RHOJ: variants seen among roughly 807,000 people sequenced by gnomAD.
RHOJ encodes the protein ras homolog family member J.
Under a neutral mutation model 23.4 loss-of-function variants are expected in RHOJ, and 11 were observed. That is an observed-to-expected ratio of 0.47 (90% CI 0.30 to 0.78). The LOEUF (loss-of-function observed/expected upper bound fraction) is 0.78, where lower values mean the gene tolerates loss of function less well. Among genes scored for constraint, RHOJ ranks in the 30% least tolerant of loss-of-function variants. The pLI is 0.08. For synonymous variants in RHOJ, 102 were observed against 102.7 expected (o/e 0.99, Z 0.04); for missense variants, 254 against 273.4 (o/e 0.93, Z 0.50).
At chr14:63,255,975 A>T (rs1311302840) in intron 1 of RHOJ, among the ~76,000 whole-genome samples, 1 of 151,566 alleles carries the variant, frequency 6.6e-6, no homozygotes, top group Non-Finnish European at 1.5e-5. Context: ...CTCAAGCAAT[A>T]CTCCTGCCTT....
intron 1 of RHOJ, among the ~76,000 whole-genome samples, chr14:63,239,440 A>G (rs907849869): frequency 2.3e-4 from 35 of 152,350 alleles, no homozygotes; most frequent in East Asian, 7.7e-4. Flanking sequence ...AGGAATTGAA[A>G]TGAGCATTCA....
intron 2 of RHOJ, among the ~76,000 whole-genome samples, chr14:63,270,507 T>C (rs1258379031): frequency 6.6e-6 from 1 of 152,136 alleles, no homozygotes; most frequent in East Asian, 1.9e-4. Context: ...AGGCCCCCCA[T>C]GTGCTCCAAT....
chr14:63,214,350 C>T (rs757952745), intron 1 of RHOJ, among the ~76,000 whole-genome samples: 2 of 152,184 alleles, frequency 1.3e-5, no homozygotes, highest in Admixed American at 6.5e-5. Flanking sequence ...ATAGTTTCAG[C>T]TAATGTGACT....
At chr14:63,250,578 T>C (rs1250813442) in intron 1 of RHOJ, among the ~76,000 whole-genome samples, 2 of 152,126 alleles carry the variant, frequency 1.3e-5, no homozygotes, top group African/African-American at 4.8e-5. Flanking sequence ...TATGTGTTTT[T>C]TCCTCTGCCT....
rs148224280 is a variant in RHOJ, at chr14:63,272,891, C to T, written c.237+3723C>T. Among the ~76,000 whole-genome samples the T allele has an allele frequency of 1.3e-3, 198 of 152,230 alleles. 1 individual carries two copies. Among genetic ancestry groups the T allele is most frequent in the Non-Finnish European group, 1.7e-3 (119 of 68,026 alleles). Reference sequence around the variant, plus strand: ...ATACAAAATTAGCCGAGCATGGTGGCGCGCACCTGTAATCCCAGCTACTTG... The same window carrying T: ...ATACAAAATTAGCCGAGCATGGTGGTGCGCACCTGTAATCCCAGCTACTTG... On this transcript the variant is annotated intron_variant, in intron 2 of 4. Coordinates refer to ENST00000316754, the MANE Select transcript of RHOJ (RefSeq NM_020663.5).
chr14:63,288,134 C>T, intron 4 of RHOJ: 1 of 969,320 alleles, frequency 1.0e-6, no homozygotes, highest in East Asian at 1.1e-4. Context: ...AACATAATGT[C>T]ATATTAACTC....
intron 2 of RHOJ, among the ~76,000 whole-genome samples, chr14:63,277,301 C>T (rs1881747182): frequency 6.6e-6 from 1 of 152,194 alleles, no homozygotes; most frequent in African/African-American, 2.4e-5. Flanking sequence ...GAGTTTGAAA[C>T]AATGGCTGAC....
chr14:63,273,861 C>A (rs541307839), intron 2 of RHOJ, among the ~76,000 whole-genome samples: 1 of 152,170 alleles, frequency 6.6e-6, no homozygotes, highest in Admixed American at 6.5e-5. Context: ...CCTGGCCAGG[C>A]GCCTGGTTCT....
chr14:63,256,295 A>T (rs1895163745), intron 1 of RHOJ, among the ~76,000 whole-genome samples: 1 of 152,078 alleles, frequency 6.6e-6, no homozygotes, highest in African/African-American at 2.4e-5. Context: ...GATCTCTGTG[A>T]CTAAAAATAT....
intron 1 of RHOJ, among the ~76,000 whole-genome samples, chr14:63,262,129 A>T (rs542040779): frequency 1.7e-4 from 26 of 152,314 alleles, no homozygotes; most frequent in Admixed American, 1.5e-3. Context: ...TATAGTCATC[A>T]TATTGACTTC....
At chr14:63,216,933 C>T (rs1244258105) in intron 1 of RHOJ, among the ~76,000 whole-genome samples, 1 of 148,166 alleles carries the variant, frequency 6.7e-6, no homozygotes, top group Non-Finnish European at 1.5e-5. Context: ...AGATGAAGAA[C>T]ACCTCATTAT....
chr14:63,262,701 G>A (rs142972818), intron 1 of RHOJ, among the ~76,000 whole-genome samples: 54 of 152,228 alleles, frequency 3.5e-4, no homozygotes, highest in African/African-American at 8.2e-4. Flanking sequence ...CTGCCCCTCC[G>A]TACATTTCGA....
intron 1 of RHOJ, among the ~76,000 whole-genome samples, chr14:63,206,813 T>C (rs1265206633): frequency 1.3e-5 from 2 of 152,196 alleles, no homozygotes; most frequent in East Asian, 3.8e-4. Flanking sequence ...AGATTTCGGC[T>C]AGTCTATTAT....
intron 1 of RHOJ, among the ~76,000 whole-genome samples, chr14:63,222,534 G>T (rs981200611): frequency 6.6e-6 from 1 of 152,120 alleles, no homozygotes; most frequent in African/African-American, 2.4e-5. Context: ...GTGTGAGATG[G>T]TATCTCATTG....
Position 63,283,369 on chromosome 14 carries a change from C to T in RHOJ, c.498+153C>T, listed in dbSNP as rs543715916. 4.4e-5 allele frequency: 29 copies of T among 665,924 alleles called. No homozygotes were observed. The African/African-American group carries it at 4.8e-4, about 11-fold the overall frequency. The allele number at this position is 665,924 out of a possible 1,614,324, so 41.3% of individuals were successfully genotyped here. A position where few individuals can be genotyped will look rare whatever the true frequency, so the allele number is the denominator to read the frequency against. Reference sequence around the variant, plus strand: ...TTCTATTCTCCCCCTCTGTTCTAGTCGGGCTGGAAGGAGCCATTTGGTTAG... The same window carrying T: ...TTCTATTCTCCCCCTCTGTTCTAGTTGGGCTGGAAGGAGCCATTTGGTTAG... On this transcript the variant is annotated intron_variant, in intron 4 of 4. Coordinates refer to ENST00000316754, the MANE Select transcript of RHOJ (RefSeq NM_020663.5).
intron 1 of RHOJ, among the ~76,000 whole-genome samples, chr14:63,207,902 G>T (rs1894148905): frequency 6.6e-6 from 1 of 152,178 alleles, no homozygotes; most frequent in Non-Finnish European, 1.5e-5. Flanking sequence ...TAGGTACATG[G>T]TAGCTATTAA....
chr14:63,250,088 A>C (rs1895042642), intron 1 of RHOJ, among the ~76,000 whole-genome samples: 1 of 152,162 alleles, frequency 6.6e-6, no homozygotes. Flanking sequence ...CATCTCCCAC[A>C]TCTCTACTGC....
intron 1 of RHOJ, among the ~76,000 whole-genome samples, chr14:63,251,740 A>C (rs1157746752): frequency 6.6e-6 from 1 of 152,244 alleles, no homozygotes; most frequent in African/African-American, 2.4e-5. Flanking sequence ...TTTATTTAGT[A>C]AGTATTTTAT....
chr14:63,204,974 C>G lies in RHOJ; in HGVS notation c.105C>G (p.Thr35=), dbSNP rs1385674420. 6.8e-6 allele frequency: 11 copies of G among 1,614,206 alleles called. No homozygotes were observed. Among genetic ancestry groups the G allele is most frequent in the Non-Finnish European group, 9.3e-6 (11 of 1,180,044 alleles). The change falls in exon 1 of 5, where the codon ACC becomes ACG. Residue 35 remains threonine, a synonymous_variant. Transcript: ENST00000316754. The part of the protein sequence containing the change: ...VVVGDGAVGK[T]CLLMSYANDA... ...TGGGGGACGGTGCCGTGGGGAAAAC[C>G]TGCCTGCTGATGAGCTACGCCAACG... is the stretch of plus-strand genomic sequence containing the variant.
Sources: gnomAD v4.1 joint callset for allele counts (sites outside exome capture counted in the v4.1 genomes callset) on GRCh38, gnomAD v4.1.1 for gene constraint, MANE v1.5 for transcripts, NCBI Gene and HGNC (gene_info 2026-07-23, HGNC 2026-07-21) for gene names.